The following ABI3BP variants were observed in gnomAD, a reference collection of about 807,000 sequenced individuals.
ABI3BP encodes target of Nesh-SH3.
Under a neutral mutation model 268.6 loss-of-function variants are expected in ABI3BP, and 216 were observed. That is an observed-to-expected ratio of 0.80 (90% CI 0.72 to 0.90). ABI3BP has a LOEUF of 0.90. ABI3BP is among the 40% of genes least tolerant of loss of function. The pLI is 0.00. For synonymous variants in ABI3BP, 730 were observed against 730.0 expected (o/e 1.00, Z 0.00); for missense variants, 2,090 against 2,182.4 (o/e 0.96, Z 0.84).
In ABI3BP at chr3:100,792,784, T is replaced by C. The variant is rs764860499; in HGVS notation, c.3947-16A>G. On this transcript the variant is annotated splice_polypyrimidine_tract_variant and intron_variant, in intron 54 of 67. Coordinates refer to ENST00000471714, the MANE Select transcript of ABI3BP (RefSeq NM_001375547.2). ...TCTGTTTCTTCTAGAGAAAACACAGTAAGATTGCTTGTTTTAAATAATTAA... is the reference window on the plus strand; with the variant it reads ...TCTGTTTCTTCTAGAGAAAACACAGCAAGATTGCTTGTTTTAAATAATTAA... The C allele has an allele frequency of 1.1e-4, 183 of 1,604,066 alleles. No individual in the cohort carries two copies. Among genetic ancestry groups the C allele is most frequent in the Non-Finnish European group, 1.0e-5 (12 of 1,171,816 alleles).
chr3:100,896,895 T>C (rs771539361), intron 4 of ABI3BP, among the ~76,000 whole-genome samples: 4 of 152,222 alleles, frequency 2.6e-5, no homozygotes, highest in East Asian at 3.8e-4. Flanking sequence ...TACATGTTTT[T>C]CCAAGTATTC....
intron 2 of ABI3BP, among the ~76,000 whole-genome samples, chr3:100,924,520 A>C (rs540241418): frequency 1.3e-5 from 2 of 152,316 alleles, no homozygotes; most frequent in South Asian, 2.1e-4. Context: ...GTATGAAAGA[A>C]TACACAAAAC....
chr3:100,828,422 G>A lies in ABI3BP; in HGVS notation c.2573C>T (p.Pro858Leu). Reference sequence around the variant, plus strand: ...TGTTGTCCCTGGAGCCTCTTTTATAGGAGAAACTGGTTCAAAGATTGTAGC... The same window carrying A: ...TGTTGTCCCTGGAGCCTCTTTTATAAGAGAAACTGGTTCAAAGATTGTAGC... Reference protein sequence around the residue: ...VPATIFEPVSPIKEAPGTTFV... With the variant: ...VPATIFEPVSLIKEAPGTTFV... The change falls in exon 34 of 68, where the codon CCT becomes CTT. Residue 858 changes from proline (P) to leucine (L), a missense_variant. Transcript: ENST00000471714. The A allele has an allele frequency of 6.5e-7, 1 of 1,535,300 alleles. No homozygotes were observed. The highest frequency in any genetic ancestry group is 8.7e-7 in the Non-Finnish European group (1 of 1,146,400).
chr3:100,840,292 G>T, intron 22 of ABI3BP, 128 bp from the exon 23 acceptor site: 1 of 720,418 alleles, frequency 1.4e-6, no homozygotes, highest in South Asian at 2.2e-5. Flanking sequence ...CATCTGTTTT[G>T]CAAACTTCTA....
intron 51 of ABI3BP, 30 bp downstream of exon 51, chr3:100,804,762 T>G: frequency 6.3e-7 from 1 of 1,591,422 alleles, no homozygotes; most frequent in Non-Finnish European, 8.6e-7. Flanking sequence ...GTAGAATGCA[T>G]TTGGCTTAAA....
chr3:100,863,049 T>C, intron 12 of ABI3BP, 140 bp from the exon 13 acceptor site: 1 of 614,130 alleles, frequency 1.6e-6, no homozygotes, highest in Non-Finnish European at 2.8e-6. Context: ...ATTTCTTACA[T>C]CTATGTTTCA....
chr3:100,825,710 G>A, intron 35 of ABI3BP, 75 bp downstream of exon 35: 4 of 1,138,086 alleles, frequency 3.5e-6, no homozygotes, highest in Non-Finnish European at 5.1e-6. Context: ...ATGTTATAGG[G>A]ATGAAGACTG....
chr3:100,836,642 G>A (rs1300124052), intron 27 of ABI3BP, among the ~76,000 whole-genome samples: 1 of 152,160 alleles, frequency 6.6e-6, no homozygotes, highest in Non-Finnish European at 1.5e-5. Flanking sequence ...ATCGCAAGAT[G>A]AATTTAGCAA....
intron 50 of ABI3BP, among the ~76,000 whole-genome samples, chr3:100,806,185 A>G (rs73152439): frequency 0.14 from 21,030 of 152,110 alleles, 1,884 homozygotes; most frequent in South Asian, 0.27. Context: ...ACTAACAATA[A>G]AAGTTACATG....
intron 37 of ABI3BP, 29 bp from the exon 38 acceptor site, chr3:100,822,701 A>G: frequency 6.6e-7 from 1 of 1,517,730 alleles, no homozygotes; most frequent in Non-Finnish European, 8.9e-7. Context: ...GGGTTACAAC[A>G]TAACTGCATT....
intron 63 of ABI3BP, among the ~76,000 whole-genome samples, chr3:100,759,682 G>A (rs1180598210): frequency 6.6e-6 from 1 of 152,096 alleles, no homozygotes; most frequent in African/African-American, 2.4e-5. Flanking sequence ...TTATGTGAGA[G>A]GGAATAGTTG....
intron 1 of ABI3BP, among the ~76,000 whole-genome samples, chr3:100,952,229 T>C (rs186959093): frequency 1.3e-5 from 2 of 152,332 alleles, no homozygotes; most frequent in African/African-American, 2.4e-5. Flanking sequence ...ATAGTGACTA[T>C]AGTTAATAAC....
At chr3:100,985,564 A>G (rs571826256) in intron 1 of ABI3BP, among the ~76,000 whole-genome samples, 2 of 143,854 alleles carry the variant, frequency 1.4e-5, no homozygotes, top group African/African-American at 5.1e-5. Context: ...TGTCAGGGAT[A>G]AAAGCGTTTT....
intron 57 of ABI3BP, among the ~76,000 whole-genome samples, chr3:100,782,564 G>A (rs536991470): frequency 3.3e-5 from 5 of 151,864 alleles, no homozygotes; most frequent in Admixed American, 2.6e-4. Context: ...GTGTGGCTCG[G>A]TGGAAAGATC....
intron 63 of ABI3BP, among the ~76,000 whole-genome samples, chr3:100,758,875 GCTT>G (rs2149455854): frequency 6.6e-6 from 1 of 152,282 alleles, no homozygotes; most frequent in South Asian, 2.1e-4. Context: ...CAACCTGTAG[GCTT>G]CTAGCCTGAG....
chr3:100,863,739 C>A, intron 12 of ABI3BP: 1 of 401,778 alleles, frequency 2.5e-6, no homozygotes, highest in Non-Finnish European at 4.5e-6. Flanking sequence ...ACAAAAAATA[C>A]AGAAATGATC....
At chr3:100,953,604 G>A (rs545473275) in intron 1 of ABI3BP, among the ~76,000 whole-genome samples, 10 of 92,734 alleles carry the variant, frequency 1.1e-4, no homozygotes, top group East Asian at 4.0e-4. Context: ...AACACTTCTC[G>A]GAGAAAGAAA....
Position 100,839,630 on chromosome 3 carries a change from TA to T in ABI3BP, c.1898-15del. The T allele has an allele frequency of 6.5e-7, 1 of 1,535,578 alleles. No homozygotes were observed. The highest frequency in any genetic ancestry group is 1.4e-5 in the African/African-American group (1 of 73,082). ...CAGGTTCCAGAGCTACAGAAGCAAA[TA>T]CCAAAAACATGAAATATTTCAAGAA... On this transcript the variant is annotated splice_polypyrimidine_tract_variant and intron_variant, in intron 23 of 67. Coordinates refer to ENST00000471714, the MANE Select transcript of ABI3BP (RefSeq NM_001375547.2).
At chr3:100,891,336 T>G (rs1443392919) in intron 4 of ABI3BP, among the ~76,000 whole-genome samples, 1 of 152,224 alleles carries the variant, frequency 6.6e-6, no homozygotes, top group East Asian at 1.9e-4. Context: ...TGGAATGGCT[T>G]GCCTGAAGTT....
Sources: gnomAD v4.1 joint callset for allele counts (sites outside exome capture counted in the v4.1 genomes callset) on GRCh38, gnomAD v4.1.1 for gene constraint, MANE v1.5 for transcripts, NCBI Gene and HGNC (gene_info 2026-07-23, HGNC 2026-07-21) for gene names.